Variants in NUDT21 observed in about 807,000 individuals in gnomAD.
NUDT21 encodes nudix hydrolase 21.
A neutral mutation model predicts 29.8 loss-of-function variants in NUDT21; 5 were observed. The observed-to-expected ratio is 0.17, with a 90% CI of 0.09 to 0.35. The LOEUF is 0.35. NUDT21 is among the 10% of genes least tolerant of loss of function. NUDT21 has a pLI of 1.00. For missense variants in NUDT21, 76 were observed against 276.0 expected, an observed-to-expected ratio of 0.28 and a Z score of 5.13; for synonymous variants, 113 against 98.5, an observed-to-expected ratio of 1.15 and a Z score of -0.87.
At chr16:56,444,802 TG>T (rs1191473738) in intron 3 of NUDT21, among the ~76,000 whole-genome samples, 3 of 152,020 alleles carry the variant, frequency 2.0e-5, no homozygotes, top group East Asian at 1.9e-4. Context: ...AATTACAGAG[TG>T]GGGAAGACAA....
intron 1 of NUDT21, chr16:56,449,353 T>C (rs1671669252): frequency 6.6e-6 from 1 of 152,210 alleles, no homozygotes; most frequent in Non-Finnish European, 1.5e-5. Context: ...GGCTACACCT[T>C]ACTTCCTCAC....
chr16:56,448,033 T>C, intron 1 of NUDT21, 44 bp from the exon 2 acceptor site: 2 of 1,530,450 alleles, frequency 1.3e-6, no homozygotes, highest in Non-Finnish European at 1.8e-6. Context: ...CTGAAGAATG[T>C]AATTTACCAT....
Position 56,451,322 on chromosome 16 carries a change from CG to C in NUDT21, c.-121del. The C allele has an allele frequency of 1.2e-6, 1 of 844,112 alleles. No individual in the cohort carries two copies. Among genetic ancestry groups the C allele is most frequent in the Non-Finnish European group, 1.8e-6 (1 of 542,454 alleles). 52.3% of individuals were successfully genotyped at this position (844,112 alleles called of 1,614,324 possible). ...CTACTGCCCGCCATTAACAGGACAG[CG>C]CAAGAGGAGGCGTAGGCACGCCGGA... On this transcript the variant is annotated 5_prime_UTR_variant, in exon 1 of 7. Transcript: ENST00000300291.
chr16:56,446,781 G>A (rs1254886332), intron 2 of NUDT21, 92 bp from the exon 3 acceptor site: 1 of 766,018 alleles, frequency 1.3e-6, no homozygotes, highest in Admixed American at 2.6e-5. Flanking sequence ...AAGTCACTAA[G>A]AACATATTTC....
chr16:56,436,130 G>C (rs1380652467), intron 4 of NUDT21, among the ~76,000 whole-genome samples: 1 of 151,680 alleles, frequency 6.6e-6, no homozygotes, highest in Non-Finnish European at 1.5e-5. Flanking sequence ...AAGTCTAAGG[G>C]TTATACAATT....
rs890711905 is a variant in NUDT21, at chr16:56,451,278, T to C, written c.-76A>G. 2.6e-6 allele frequency: 3 copies of C among 1,142,972 alleles called. No homozygotes were observed. The highest frequency in any genetic ancestry group is 4.8e-5 in the East Asian group (2 of 41,722). The allele number at this position is 1,142,972 out of a possible 1,614,324, so 70.8% of individuals were successfully genotyped here. The stretch of plus-strand genomic sequence containing the variant: ...ACTTTCCCCGTGCGGGAAGCGGTTA[T>C]CTGCAATCCCCTCAGCGGCTACTGC... On this transcript the variant is annotated 5_prime_UTR_variant, in exon 1 of 7. Transcript: ENST00000300291.
chr16:56,437,438 C>T (rs1567538290), intron 4 of NUDT21, among the ~76,000 whole-genome samples: 1 of 152,182 alleles, frequency 6.6e-6, no homozygotes, highest in Non-Finnish European at 1.5e-5. Flanking sequence ...GTCATACTGA[C>T]ACTTTAAAGG....
chr16:56,446,770 C>T (rs1169487684), intron 2 of NUDT21, 81 bp from the exon 3 acceptor site: 2 of 836,572 alleles, frequency 2.4e-6, no homozygotes. Flanking sequence ...TTATTTCTAC[C>T]AAGTCACTAA....
chr16:56,448,171 A>G (rs1223775195), intron 1 of NUDT21, among the ~76,000 whole-genome samples, 182 bp from the exon 2 acceptor site: 1 of 152,226 alleles, frequency 6.6e-6, no homozygotes, highest in Non-Finnish European at 1.5e-5. Flanking sequence ...CTGGACTCTT[A>G]AAGCCAGAGC....
At chr16:56,436,644 A>G (rs1351994907) in intron 4 of NUDT21, among the ~76,000 whole-genome samples, 2 of 152,232 alleles carry the variant, frequency 1.3e-5, no homozygotes, top group Non-Finnish European at 2.9e-5. Flanking sequence ...CCAAACCATG[A>G]TCAAACAAAA....
At position 56,434,638 on chromosome 16, in the gene NUDT21, T is replaced by C. The variant is rs140460785; in HGVS notation, c.547+116A>G. ...AAACTAAAAGCATGGTATACATCTT[T>C]AGTTTTACAACAAACCCAAAAGTTC... On this transcript the variant is annotated intron_variant, in intron 5 of 6. Transcript: ENST00000300291. 460 of 843,410 alleles carry C rather than the reference T, an allele frequency of 5.5e-4. 4 individuals carry two copies. The African/African-American group carries it at 7.1e-3, about 13-fold the overall frequency. 52.2% of individuals were successfully genotyped at this position (843,410 alleles called of 1,614,324 possible).
chr16:56,448,532 C>T (rs1211101053), intron 1 of NUDT21, among the ~76,000 whole-genome samples: 1 of 152,160 alleles, frequency 6.6e-6, no homozygotes, highest in Non-Finnish European at 1.5e-5. Flanking sequence ...AACTCTTCTA[C>T]TTTCTCTTTT....
intron 3 of NUDT21, among the ~76,000 whole-genome samples, chr16:56,442,018 C>T (rs1385300999): frequency 6.6e-6 from 1 of 152,072 alleles, no homozygotes; most frequent in Non-Finnish European, 1.5e-5. Flanking sequence ...GCCTCCCCTG[C>T]CCCCAGCCTC....
At chr16:56,449,164 G>A (rs1962250360) in intron 1 of NUDT21, 1 of 152,122 alleles carries the variant, frequency 6.6e-6, no homozygotes, top group Admixed American at 6.5e-5. Context: ...ATTTAATTCT[G>A]ACAACCTGAG....
chr16:56,447,214 C>T (rs1393570767), intron 2 of NUDT21, among the ~76,000 whole-genome samples: 1 of 152,200 alleles, frequency 6.6e-6, no homozygotes, highest in African/African-American at 2.4e-5. Flanking sequence ...CCATCCCAAT[C>T]TCCTCTCTGG....
At chr16:56,446,835 G>A in intron 2 of NUDT21, 146 bp from the exon 3 acceptor site, 2 of 523,528 alleles carry the variant, frequency 3.8e-6, no homozygotes, top group Non-Finnish European at 6.8e-6. Flanking sequence ...TGAAGGGGGA[G>A]AATATGCTTG....
intron 4 of NUDT21, among the ~76,000 whole-genome samples, chr16:56,438,114 A>G (rs1962124557): frequency 6.6e-6 from 1 of 152,222 alleles, no homozygotes; most frequent in Non-Finnish European, 1.5e-5. Context: ...GTCTCCTGGT[A>G]TTCACTGCTT....
In NUDT21 at chr16:56,446,640, G is replaced by A; in HGVS notation, c.367C>T (p.Arg123Cys). ...CAGAAAAATACCTCTGTCATTAAGC[G>A]TTTTAGTCCTTCAACTTCATCTTCT... ...PGEDEVEGLK[R>C]LMTEILGRQD... Residue 123 changes from arginine to cysteine, a missense_variant, in exon 3 of 7, where the codon CGC (arginine) becomes TGC (cysteine). Physicochemically the swap from Arg to Cys is radical, Grantham distance 180. Coordinates refer to ENST00000300291, the MANE Select transcript of NUDT21 (RefSeq NM_007006.3). 1 of 1,603,542 alleles carries A rather than the reference G, an allele frequency of 6.2e-7. No individual in the cohort carries two copies. Among genetic ancestry groups the A allele is most frequent in the Non-Finnish European group, 8.5e-7 (1 of 1,172,902 alleles).
Position 56,430,621 on chromosome 16 carries a change from T to C in NUDT21, c.*2091A>G, listed in dbSNP as rs1962023203. ...GCCCTTATACCCTCTTCTAATACTG[T>C]AGACACCTACCAACCAGATTTGATT... On this transcript the variant is annotated 3_prime_UTR_variant, in exon 7 of 7. Coordinates refer to ENST00000300291, the MANE Select transcript of NUDT21 (RefSeq NM_007006.3). 6.6e-6 allele frequency: 1 copy of C among 152,246 alleles called. No homozygotes were observed. Among genetic ancestry groups the C allele is most frequent in the Non-Finnish European group, 1.5e-5 (1 of 68,050 alleles). The allele number at this position is 152,246 out of a possible 1,614,324, so 9.4% of individuals were successfully genotyped here. A position where few individuals can be genotyped will look rare whatever the true frequency, so the allele number is the denominator to read the frequency against.
Sources: gnomAD v4.1 joint callset for allele counts (sites outside exome capture counted in the v4.1 genomes callset) on GRCh38, gnomAD v4.1.1 for gene constraint, MANE v1.5 for transcripts, NCBI Gene and HGNC (gene_info 2026-07-23, HGNC 2026-07-21) for gene names.